C13orf42: variants seen among roughly 807,000 people sequenced by gnomAD.
C13orf42 encodes uncharacterized protein C13orf42.
At chr13:51,149,174 G>A (rs1953760002) in intron 1 of C13orf42, among the ~76,000 whole-genome samples, 1 of 152,034 alleles carries the variant, frequency 6.6e-6, no homozygotes, top group African/African-American at 2.4e-5. Flanking sequence ...CCACTAGATG[G>A]GGTTCTTGAT....
chr13:51,157,795 T>C (rs981200807), intron 1 of C13orf42, among the ~76,000 whole-genome samples: 5 of 152,186 alleles, frequency 3.3e-5, no homozygotes, highest in Non-Finnish European at 5.9e-5. Context: ...TGTGAAGTAA[T>C]AAATATTCAC....
At chr13:51,105,930 T>C (rs527364060) in intron 1 of C13orf42, among the ~76,000 whole-genome samples, 148 of 152,362 alleles carry the variant, frequency 9.7e-4, no homozygotes, top group African/African-American at 3.5e-3. Flanking sequence ...TCATCTCAGA[T>C]ACTTTGTAGA....
rs1953934041 is a variant in C13orf42 at position 51,169,981 on chromosome 13, C to A, written n.136+2272G>T. Among the ~76,000 whole-genome samples the A allele has an allele frequency of 3.9e-5, 6 of 152,292 alleles. No homozygotes were observed. In the South Asian group the frequency reaches 1.2e-3, roughly 32 times the overall value. On this transcript the variant is annotated intron_variant and non_coding_transcript_variant, in intron 1 of 4. Transcript: ENST00000433280. ...AAAGAAGTGAATATGCCTTGCCCCA[C>A]CTTAACTGATGACATTCCACCACAA...
At chr13:51,133,283 A>G (rs552280643) in intron 1 of C13orf42, among the ~76,000 whole-genome samples, 3 of 152,238 alleles carry the variant, frequency 2.0e-5, no homozygotes, top group Admixed American at 2.0e-4. Flanking sequence ...ATTCATAGAG[A>G]AGGGAAATAG....
rs1373512685 is a variant in C13orf42 at position 51,096,301 on chromosome 13, G to A, written c.415-8226C>T. Among the ~76,000 whole-genome samples the A allele has an allele frequency of 3.3e-5, 5 of 152,236 alleles. No homozygotes were observed. The East Asian group carries it at 9.7e-4, about 29-fold the overall frequency. Reference sequence around the variant, plus strand: ...GATGCTTGTTAGGATGGTGGTGAGAGACAAGAGGGCATTCACTGTTTTCTG... The same window carrying A: ...GATGCTTGTTAGGATGGTGGTGAGAAACAAGAGGGCATTCACTGTTTTCTG... On this transcript the variant is annotated intron_variant, in intron 1 of 3. Coordinates refer to ENST00000563710, the MANE Select transcript of C13orf42 (RefSeq NM_001351589.3).
intron 1 of C13orf42, among the ~76,000 whole-genome samples, chr13:51,138,794 C>T (rs759252688): frequency 5.9e-5 from 9 of 152,146 alleles, no homozygotes; most frequent in Non-Finnish European, 1.2e-4. Context: ...TCCCATGTTC[C>T]CTGCAGCACT....
rs9596466 is a variant in C13orf42, at chr13:51,143,175, T to G, written n.136+29078A>C. On this transcript the variant is annotated intron_variant and non_coding_transcript_variant, in intron 1 of 4. Coordinates refer to the C13orf42 transcript ENST00000433280. ...CTAAATCTTAAACACTGACAGCAAT[T>G]AAAGCCTCATCTTCAGGCCCCATAG... Among the ~76,000 whole-genome samples the G allele has an allele frequency of 2.7e-3, 405 of 152,216 alleles. 4 individuals carry two copies. Among genetic ancestry groups the G allele is most frequent in the African/African-American group, 8.4e-3 (348 of 41,538 alleles).
intron 1 of C13orf42, among the ~76,000 whole-genome samples, chr13:51,110,070 G>C (rs1953410096): frequency 6.6e-6 from 1 of 152,196 alleles, no homozygotes; most frequent in African/African-American, 2.4e-5. Context: ...AAGAGACACA[G>C]ACTCTCTCCG....
intron 1 of C13orf42, among the ~76,000 whole-genome samples, chr13:51,090,127 G>A (rs1310639329): frequency 6.6e-6 from 1 of 152,064 alleles, no homozygotes; most frequent in Non-Finnish European, 1.5e-5. Context: ...CTTCTTGAAG[G>A]CAGGTGACAG....
At chr13:51,134,502 G>C (rs1953642337) in intron 1 of C13orf42, among the ~76,000 whole-genome samples, 1 of 152,114 alleles carries the variant, frequency 6.6e-6, no homozygotes, top group Admixed American at 6.5e-5. Flanking sequence ...TAAATCCTTT[G>C]GGATTTATGA....
Position 51,129,941 on chromosome 13 carries a change from C to A in C13orf42, n.137-16719G>T, listed in dbSNP as rs527775635. Among the ~76,000 whole-genome samples, 15 of 152,266 alleles carry A rather than the reference C, an allele frequency of 9.9e-5. 1 individual carries two copies. In the South Asian group the frequency reaches 2.9e-3, roughly 30 times the overall value. Reference sequence around the variant, plus strand: ...TTCTATGTCCTTGGGAACCATGTGGCCTTGCTTTCTCTTTTCACAATGGCA... The same window carrying A: ...TTCTATGTCCTTGGGAACCATGTGGACTTGCTTTCTCTTTTCACAATGGCA... On this transcript the variant is annotated intron_variant and non_coding_transcript_variant, in intron 1 of 4. Transcript: ENST00000433280.
intron 1 of C13orf42, among the ~76,000 whole-genome samples, chr13:51,098,587 T>C (rs1953258554): frequency 6.6e-6 from 1 of 152,126 alleles, no homozygotes; most frequent in South Asian, 2.1e-4. Flanking sequence ...CTTTGGCAAA[T>C]AACACTCACA....
At chr13:51,142,595 TA>T (rs34706510) in intron 1 of C13orf42, among the ~76,000 whole-genome samples, 53,596 of 141,442 alleles carry the variant, frequency 0.38, 10,141 homozygotes, top group African/African-American at 0.49. Flanking sequence ...CATTTCTGCT[TA>T]AAAAAAAAAA....
chr13:51,161,057 A>G (rs1248358618), intron 1 of C13orf42, among the ~76,000 whole-genome samples: 1 of 146,922 alleles, frequency 6.8e-6, no homozygotes, highest in East Asian at 2.2e-4. Flanking sequence ...AGAGAGTTCC[A>G]CACTGCTGTG....
intron 1 of C13orf42, among the ~76,000 whole-genome samples, chr13:51,103,008 T>C (rs1953309680): frequency 6.6e-6 from 1 of 152,136 alleles, no homozygotes; most frequent in Admixed American, 6.6e-5. Flanking sequence ...CCTTGACACG[T>C]GGGGATTACA....
intron 1 of C13orf42, among the ~76,000 whole-genome samples, chr13:51,148,791 C>T (rs1164990444): frequency 6.6e-6 from 1 of 152,224 alleles, no homozygotes; most frequent in Non-Finnish European, 1.5e-5. Flanking sequence ...TTTGAGGGTA[C>T]CCTCCGCCGC....
intron 1 of C13orf42, among the ~76,000 whole-genome samples, chr13:51,132,280 A>G (rs549816672): frequency 1.3e-5 from 2 of 152,192 alleles, no homozygotes; most frequent in East Asian, 3.9e-4. Flanking sequence ...AGCTCTACTA[A>G]AAATACAAAA....
intron 1 of C13orf42, among the ~76,000 whole-genome samples, chr13:51,100,717 G>A (rs1050386690): frequency 1.9e-4 from 29 of 152,222 alleles, no homozygotes; most frequent in East Asian, 7.7e-4. Context: ...ACCCACTGTC[G>A]ATGAAAAGCA....
At chr13:51,149,772 C>T (rs1394511762) in intron 1 of C13orf42, among the ~76,000 whole-genome samples, 2 of 152,146 alleles carry the variant, frequency 1.3e-5, no homozygotes, top group African/African-American at 4.8e-5. Flanking sequence ...GAATATTTCT[C>T]TTCATCATCA....
Sources: gnomAD v4.1 joint callset for allele counts (sites outside exome capture counted in the v4.1 genomes callset) on GRCh38, gnomAD v4.1.1 for gene constraint, MANE v1.5 for transcripts, NCBI Gene and HGNC (gene_info 2026-07-23, HGNC 2026-07-21) for gene names.